CCDC169: variants seen among roughly 807,000 people sequenced by gnomAD.
CCDC169 encodes coiled-coil domain-containing protein 169.
CCDC169 carries 30 observed loss-of-function variants against 36.0 expected under a neutral mutation model. The ratio of observed to expected loss-of-function variants is 0.83; its 90% CI spans 0.62 to 1.13. CCDC169 has a LOEUF of 1.13. Among genes scored for constraint, CCDC169 ranks in the 50% most tolerant of loss-of-function variants. CCDC169 has a pLI of 0.00. For missense variants in CCDC169, 245 were observed against 245.9 expected, an observed-to-expected ratio of 1.00 and a Z score of 0.03; for synonymous variants, 85 against 81.5, an observed-to-expected ratio of 1.04 and a Z score of -0.23.
At chr13:36,283,278 T>C (rs1877762596) in intron 4 of CCDC169, 191 bp downstream of exon 4, 7 of 611,418 alleles carry the variant, frequency 1.1e-5, no homozygotes, top group Non-Finnish European at 1.7e-5. Context: ...CACCTGTGAA[T>C]ATAGCTGGCA....
At chr13:36,290,295 T>G (rs1878712391) in intron 2 of CCDC169, among the ~76,000 whole-genome samples, 1 of 152,184 alleles carries the variant, frequency 6.6e-6, no homozygotes, top group Non-Finnish European at 1.5e-5. Flanking sequence ...ATAATATAAT[T>G]TATTCTGTGC....
At chr13:36,289,722 C>T (rs983506151) in intron 2 of CCDC169, among the ~76,000 whole-genome samples, 25 of 152,086 alleles carry the variant, frequency 1.6e-4, no homozygotes, top group Non-Finnish European at 1.2e-4. Context: ...AAAACTGAGA[C>T]CTAAAAGGCT....
chr13:36,229,215 T>G (rs1222417486), downstream of CCDC169, among the ~76,000 whole-genome samples: 1 of 152,182 alleles, frequency 6.6e-6, no homozygotes, highest in Non-Finnish European at 1.5e-5. Context: ...AGAAGTTATT[T>G]ACCAAAGTCA....
At chr13:36,261,354 C>G (rs531179917) in intron 4 of CCDC169, among the ~76,000 whole-genome samples, 188 of 152,212 alleles carry the variant, frequency 1.2e-3, no homozygotes, top group Non-Finnish European at 2.2e-3. Flanking sequence ...TGTTACTGTG[C>G]CATCCTTCAA....
intron 4 of CCDC169, among the ~76,000 whole-genome samples, chr13:36,257,150 G>T (rs1873994693): frequency 1.3e-5 from 2 of 152,294 alleles, no homozygotes; most frequent in South Asian, 4.1e-4. Context: ...CTGTGTTCTT[G>T]ATTTGGCTGT....
intron 2 of CCDC169, among the ~76,000 whole-genome samples, chr13:36,289,406 T>C (rs548769925): frequency 7.9e-5 from 12 of 152,374 alleles, no homozygotes; most frequent in Non-Finnish European, 1.8e-4. Context: ...GATTCTGTAC[T>C]CTTGGCTTTC....
chr13:36,293,800 G>A (rs1879178912), intron 2 of CCDC169, among the ~76,000 whole-genome samples: 1 of 152,128 alleles, frequency 6.6e-6, no homozygotes. Context: ...CCCCAATCAA[G>A]AACCATCCAG....
chr13:36,276,697 TTA>T (rs1357394227), intron 4 of CCDC169, among the ~76,000 whole-genome samples: 1 of 152,158 alleles, frequency 6.6e-6, no homozygotes, highest in Non-Finnish European at 1.5e-5. Flanking sequence ...GTCATCACTT[TTA>T]TGACTCTGAA....
At chr13:36,270,104 A>G (rs1012568603) in intron 4 of CCDC169, among the ~76,000 whole-genome samples, 2 of 152,210 alleles carry the variant, frequency 1.3e-5, no homozygotes, top group African/African-American at 4.8e-5. Flanking sequence ...ATGTACACAA[A>G]TCAGTAGCAC....
intron 4 of CCDC169, among the ~76,000 whole-genome samples, chr13:36,278,521 C>T (rs368701425): frequency 4.2e-4 from 64 of 152,266 alleles, no homozygotes; most frequent in South Asian, 3.5e-3. Context: ...CTCTGGACAA[C>T]GTGTTTTATC....
intron 4 of CCDC169, among the ~76,000 whole-genome samples, chr13:36,258,264 C>T (rs1366243945): frequency 6.6e-6 from 1 of 152,170 alleles, no homozygotes; most frequent in Non-Finnish European, 1.5e-5. Context: ...GGGCCACAGC[C>T]TGTCTGCTGA....
downstream of CCDC169, among the ~76,000 whole-genome samples, chr13:36,228,556 G>A (rs9531635): frequency 0.41 from 61,542 of 151,784 alleles, 13,224 homozygotes; most frequent in Non-Finnish European, 0.48. Context: ...ACAAATAATT[G>A]GATTTTTTTT....
chr13:36,278,633 T>A (rs953450670), intron 4 of CCDC169, among the ~76,000 whole-genome samples: 2 of 152,104 alleles, frequency 1.3e-5, no homozygotes, highest in African/African-American at 4.8e-5. Context: ...TGTCCCCCCA[T>A]CCTTTCTCAA....
intron 2 of CCDC169, 136 bp from the exon 3 acceptor site, chr13:36,283,838 T>C (rs1044716264): frequency 5.8e-6 from 4 of 685,342 alleles, no homozygotes; most frequent in East Asian, 2.7e-5. Flanking sequence ...TAGAAGGAAA[T>C]AGTTATTAAG....
chr13:36,261,021 G>T (rs1270906546), intron 4 of CCDC169, among the ~76,000 whole-genome samples: 1 of 152,150 alleles, frequency 6.6e-6, no homozygotes. Flanking sequence ...GAGGAAATCT[G>T]GGAAAGAGGT....
intron 6 of CCDC169, among the ~76,000 whole-genome samples, chr13:36,250,678 C>T (rs371487396): frequency 4.6e-5 from 7 of 152,208 alleles, no homozygotes; most frequent in Admixed American, 3.3e-4. Flanking sequence ...AATATTTTAG[C>T]TTAGAAAACA....
At chr13:36,234,732 T>C (rs1001857383) in intron 7 of CCDC169, among the ~76,000 whole-genome samples, 1 of 152,034 alleles carries the variant, frequency 6.6e-6, no homozygotes, top group Admixed American at 6.6e-5. Flanking sequence ...GCAACAAAAC[T>C]ATCCTTCTAA....
chr13:36,273,878 T>A (rs1876429193), intron 4 of CCDC169, among the ~76,000 whole-genome samples: 1 of 152,190 alleles, frequency 6.6e-6, no homozygotes, highest in African/African-American at 2.4e-5. Flanking sequence ...CACCTTGGTT[T>A]CTTCCTCCAG....
chr13:36,250,092 T>C (rs1355891681), intron 6 of CCDC169, among the ~76,000 whole-genome samples: 1 of 152,156 alleles, frequency 6.6e-6, no homozygotes, highest in African/African-American at 2.4e-5. Context: ...TTAAGTGCCT[T>C]GATGGAGATG....
Sources: gnomAD v4.1 joint callset for allele counts (sites outside exome capture counted in the v4.1 genomes callset) on GRCh38, gnomAD v4.1.1 for gene constraint, MANE v1.5 for transcripts, NCBI Gene and HGNC (gene_info 2026-07-23, HGNC 2026-07-21) for gene names.